The following OPCML variants were observed in gnomAD, a reference collection of about 807,000 sequenced individuals.
The protein encoded by OPCML is opioid-binding protein/cell adhesion molecule.
A neutral mutation model predicts 37.8 loss-of-function variants in OPCML; 13 were observed. The ratio of observed to expected loss-of-function variants is 0.34; its 90% CI spans 0.22 to 0.55. The LOEUF is 0.55. Among genes scored for constraint, OPCML ranks in the 20% least tolerant of loss-of-function variants. The pLI is 0.91. For missense variants in OPCML, 341 were observed against 435.6 expected (o/e 0.78, Z 1.93); for synonymous variants, 176 against 168.8 (o/e 1.04, Z -0.33).
At chr11:132,721,933 AT>A (rs1268851787) in intron 2 of OPCML, among the ~76,000 whole-genome samples, 1 of 109,426 alleles carries the variant, frequency 9.1e-6, no homozygotes, top group African/African-American at 3.4e-5. Flanking sequence ...AAGGGAATGT[AT>A]TTTTTCTTTC....
intron 4 of OPCML, among the ~76,000 whole-genome samples, chr11:132,486,233 C>T (rs1008317949): frequency 6.6e-6 from 1 of 152,092 alleles, no homozygotes; most frequent in Non-Finnish European, 1.5e-5. Context: ...AGAGGGTTTC[C>T]TCAACCAACT....
intron 1 of OPCML, among the ~76,000 whole-genome samples, chr11:133,508,576 A>G (rs994236723): frequency 6.6e-6 from 1 of 152,210 alleles, no homozygotes; most frequent in Non-Finnish European, 1.5e-5. Context: ...TCCAGCCCAC[A>G]GGAATCATCT....
intron 2 of OPCML, among the ~76,000 whole-genome samples, chr11:132,712,042 C>A (rs1944284943): frequency 6.6e-6 from 1 of 152,216 alleles, no homozygotes; most frequent in African/African-American, 2.4e-5. Context: ...TGTAAAGTGT[C>A]TACCTGTCAT....
chr11:132,581,285 G>A (rs2096461513), intron 3 of OPCML, among the ~76,000 whole-genome samples: 1 of 152,088 alleles, frequency 6.6e-6, no homozygotes, highest in Non-Finnish European at 1.5e-5. Context: ...TTCAAAAATA[G>A]CCAAGCTTCA....
chr11:132,888,289 C>T (rs1004400915), intron 2 of OPCML, among the ~76,000 whole-genome samples: 2 of 152,146 alleles, frequency 1.3e-5, no homozygotes, highest in Non-Finnish European at 2.9e-5. Context: ...GGAATCATTC[C>T]AGGCTGCACG....
At chr11:133,071,797 C>T (rs1268215043) in intron 1 of OPCML, among the ~76,000 whole-genome samples, 23 of 152,186 alleles carry the variant, frequency 1.5e-4, no homozygotes, top group Admixed American at 4.6e-4. Flanking sequence ...CAGCTACAAA[C>T]ATTCATTCCA....
intron 1 of OPCML, among the ~76,000 whole-genome samples, chr11:133,311,284 G>T (rs1943062014): frequency 6.6e-6 from 1 of 152,156 alleles, no homozygotes. Context: ...GAAGAGAGGT[G>T]GTTTACTAGG....
intron 4 of OPCML, among the ~76,000 whole-genome samples, chr11:132,501,881 A>G (rs919026313): frequency 1.4e-4 from 22 of 152,202 alleles, no homozygotes; most frequent in African/African-American, 5.3e-4. Flanking sequence ...CCTATCTGCT[A>G]TATCTTGAAG....
chr11:132,563,206 G>C lies in OPCML; in HGVS notation c.380-34020C>G, dbSNP rs189961324. Among the ~76,000 whole-genome samples the C allele has an allele frequency of 2.0e-5, 3 of 152,296 alleles. No homozygotes were observed. The East Asian group carries it at 5.8e-4, about 29-fold the overall frequency. Reference sequence around the variant, plus strand: ...TCATGCTAGAGATGAGGCTTATGCAGCCAGTCAATAATGGACTTAGGATCT... The same window carrying C: ...TCATGCTAGAGATGAGGCTTATGCACCCAGTCAATAATGGACTTAGGATCT... On this transcript the variant is annotated intron_variant, in intron 3 of 7. Transcript: ENST00000524381.
intron 1 of OPCML, among the ~76,000 whole-genome samples, chr11:133,330,299 C>T (rs1338892618): frequency 6.6e-6 from 1 of 152,176 alleles, no homozygotes; most frequent in Non-Finnish European, 1.5e-5. Flanking sequence ...GGATCTAGAA[C>T]TAGAAATACC....
intron 2 of OPCML, among the ~76,000 whole-genome samples, chr11:132,697,228 G>C (rs1213843319): frequency 1.3e-5 from 2 of 152,206 alleles, no homozygotes; most frequent in African/African-American, 4.8e-5. Flanking sequence ...GATTGCCACA[G>C]TCATGTTAAT....
intron 2 of OPCML, among the ~76,000 whole-genome samples, chr11:132,684,988 C>T (rs1943106672): frequency 6.6e-6 from 1 of 152,170 alleles, no homozygotes; most frequent in Admixed American, 6.5e-5. Context: ...TCCACCTTCA[C>T]CTAAATACTA....
At chr11:133,051,456 C>G (rs12363709) in intron 1 of OPCML, among the ~76,000 whole-genome samples, 29,824 of 152,034 alleles carry the variant, frequency 0.2, 3,233 homozygotes, top group South Asian at 0.36. Context: ...CCTTCCTGTT[C>G]AGGGTACTCA....
chr11:133,301,114 T>C (rs1442419729), intron 1 of OPCML: 2 of 152,218 alleles, frequency 1.3e-5, no homozygotes, highest in African/African-American at 4.8e-5. Context: ...ATTTTGTTTA[T>C]GCTCATCAGC....
At chr11:133,216,115 G>A (rs558957042) in intron 1 of OPCML, among the ~76,000 whole-genome samples, 41 of 152,144 alleles carry the variant, frequency 2.7e-4, no homozygotes, top group African/African-American at 9.4e-4. Flanking sequence ...CAGAAAACAC[G>A]CAGTGCAGCC....
At chr11:132,500,862 T>G (rs1011464640) in intron 4 of OPCML, among the ~76,000 whole-genome samples, 6 of 152,236 alleles carry the variant, frequency 3.9e-5, no homozygotes, top group African/African-American at 1.4e-4. Flanking sequence ...GCTTCATCTA[T>G]GTCCCTGCAA....
At chr11:132,940,166 T>C (rs1255873681) in intron 2 of OPCML, among the ~76,000 whole-genome samples, 2 of 152,130 alleles carry the variant, frequency 1.3e-5, no homozygotes, top group Non-Finnish European at 2.9e-5. Context: ...ACAACAAAAC[T>C]GATATCCCAA....
chr11:132,947,224 A>G (rs550822969), intron 1 of OPCML, among the ~76,000 whole-genome samples: 1 of 152,356 alleles, frequency 6.6e-6, no homozygotes, highest in East Asian at 1.9e-4. Flanking sequence ...GGACAGCATG[A>G]GGTTCCCGAT....
intron 1 of OPCML, among the ~76,000 whole-genome samples, chr11:133,458,795 G>GTGTGTGTGTATATACACATAGATGCA (rs1946783946): frequency 7.0e-6 from 1 of 143,256 alleles, no homozygotes; most frequent in Non-Finnish European, 1.5e-5. Flanking sequence ...ATAGATGCAC[G>GTGTGTGTGTATATACACATAGATGCA]TGTGTGTGTA....
Sources: gnomAD v4.1 joint callset for allele counts (sites outside exome capture counted in the v4.1 genomes callset) on GRCh38, gnomAD v4.1.1 for gene constraint, MANE v1.5 for transcripts, NCBI Gene and HGNC (gene_info 2026-07-23, HGNC 2026-07-21) for gene names.